Variants in DAB1 observed in about 807,000 individuals in gnomAD.
DAB1 encodes disabled homolog 1.
In DAB1, 15 loss-of-function variants were observed where a neutral mutation model predicts 64.6. The ratio of observed to expected loss-of-function variants is 0.23; its 90% CI spans 0.16 to 0.36. The LOEUF is 0.36. Ranked by LOEUF, DAB1 falls within the 10% of genes least tolerant of loss-of-function variation. The pLI, the probability that DAB1 is intolerant of heterozygous loss-of-function variation, is 1.00. For synonymous variants in DAB1, 235 were observed against 251.9 expected, an observed-to-expected ratio of 0.93 and a Z score of 0.64; for missense variants, 596 against 706.7, an observed-to-expected ratio of 0.84 and a Z score of 1.78.
chr1:58,386,031 AG>A (rs1362216190), intron 3 of DAB1, among the ~76,000 whole-genome samples: 6 of 152,218 alleles, frequency 3.9e-5, no homozygotes, highest in African/African-American at 1.2e-4. Context: ...ATAGCACGTT[AG>A]CTCTACCTAT....
chr1:58,363,381 T>A (rs1248918167), intron 3 of DAB1, among the ~76,000 whole-genome samples: 1 of 152,202 alleles, frequency 6.6e-6, no homozygotes, highest in Non-Finnish European at 1.5e-5. Flanking sequence ...TATCCTCTGA[T>A]AGGCTAAGAA....
At chr1:58,104,034 T>C (rs149381337) in intron 5 of DAB1, among the ~76,000 whole-genome samples, 63 of 152,340 alleles carry the variant, frequency 4.1e-4, no homozygotes, top group African/African-American at 1.5e-3. Context: ...AAGAAGTCTT[T>C]TTCTAGAAGA....
Position 58,318,786 on chromosome 1 carries a change from A to G in DAB1, n.309+24566T>C, listed in dbSNP as rs567889833. On this transcript the variant is annotated intron_variant and non_coding_transcript_variant, in intron 4 of 20. Coordinates refer to the DAB1 transcript ENST00000485760. ...ATCTTTACTCACCTCGAAATTTAAA[A>G]GCTGGAAAGCAGGAAGAATGCATTT... Among the ~76,000 whole-genome samples, 327 of 152,320 alleles carry G rather than the reference A, an allele frequency of 2.1e-3. 3 individuals are homozygous for G. The highest frequency in any genetic ancestry group is 6.9e-3 in the African/African-American group (285 of 41,568).
At chr1:58,110,252 A>C (rs1651897253) in intron 5 of DAB1, among the ~76,000 whole-genome samples, 1 of 152,218 alleles carries the variant, frequency 6.6e-6, no homozygotes, top group Non-Finnish European at 1.5e-5. Context: ...ATTTTCAAAA[A>C]ACAAATAAGC....
chr1:58,040,172 T>C (rs1647113217), intron 5 of DAB1, among the ~76,000 whole-genome samples: 1 of 152,192 alleles, frequency 6.6e-6, no homozygotes, highest in African/African-American at 2.4e-5. Context: ...ATATTACCAG[T>C]GGTCACCCAA....
chr1:57,769,092 C>G (rs1649447360), intron 6 of DAB1, among the ~76,000 whole-genome samples: 1 of 152,152 alleles, frequency 6.6e-6, no homozygotes, highest in Non-Finnish European at 1.5e-5. Flanking sequence ...CTGTACCTTA[C>G]TTGTCTCTTG....
chr1:57,252,527 A>T (rs1188434181), intron 2 of DAB1, among the ~76,000 whole-genome samples: 1 of 152,232 alleles, frequency 6.6e-6, no homozygotes, highest in Non-Finnish European at 1.5e-5. Flanking sequence ...TCCTCTTAAA[A>T]AAAGGTTTGT....
chr1:58,469,003 C>T (rs1196147869), intron 3 of DAB1: 2 of 244,042 alleles, frequency 8.2e-6, no homozygotes, highest in East Asian at 1.8e-4. Flanking sequence ...ATTCATCCTC[C>T]GTCTTATGAA....
chr1:57,113,435 G>T (rs141243189), intron 4 of DAB1, among the ~76,000 whole-genome samples: 1 of 152,078 alleles, frequency 6.6e-6, no homozygotes. Flanking sequence ...CTAGATTAGG[G>T]GTTGGCAGAC....
chr1:57,463,778 C>A (rs1342031062), intron 7 of DAB1, among the ~76,000 whole-genome samples: 1 of 152,172 alleles, frequency 6.6e-6, no homozygotes, highest in Non-Finnish European at 1.5e-5. Context: ...TTCATTCATT[C>A]ATTCATGAAA....
chr1:57,643,285 C>A (rs1024590344), intron 7 of DAB1, among the ~76,000 whole-genome samples: 1 of 152,132 alleles, frequency 6.6e-6, no homozygotes, highest in African/African-American at 2.4e-5. Context: ...CTTGAGAGGT[C>A]AGGGGCTCTT....
chr1:57,793,820 G>A (rs1650717298), intron 6 of DAB1, among the ~76,000 whole-genome samples: 1 of 152,172 alleles, frequency 6.6e-6, no homozygotes, highest in Non-Finnish European at 1.5e-5. Flanking sequence ...TTTAGTAAGA[G>A]GACTCAACCT....
intron 1 of DAB1, among the ~76,000 whole-genome samples, chr1:57,375,590 G>C (rs1680830270): frequency 6.6e-6 from 1 of 152,060 alleles, no homozygotes; most frequent in Non-Finnish European, 1.5e-5. Context: ...TAAACATAAG[G>C]GCCAGCATTT....
chr1:57,423,179 T>A (rs1385482718), intron 1 of DAB1, among the ~76,000 whole-genome samples: 2 of 141,702 alleles, frequency 1.4e-5, no homozygotes, highest in East Asian at 4.4e-4. Context: ...GCTCTCTGCA[T>A]CCAAGTCAGA....
chr1:57,319,138 G>A (rs965894912), intron 1 of DAB1, among the ~76,000 whole-genome samples: 1 of 152,126 alleles, frequency 6.6e-6, no homozygotes, highest in East Asian at 1.9e-4. Context: ...GTGTTGCATG[G>A]CCCCAGGGCT....
intron 7 of DAB1, among the ~76,000 whole-genome samples, chr1:57,573,512 G>T (rs1362753434): frequency 6.6e-6 from 1 of 152,194 alleles, no homozygotes; most frequent in Non-Finnish European, 1.5e-5. Flanking sequence ...GCAAGAGTTG[G>T]CTCACTAATA....
At chr1:58,509,295 C>T (rs926000762) in intron 2 of DAB1, among the ~76,000 whole-genome samples, 2 of 151,370 alleles carry the variant, frequency 1.3e-5, no homozygotes, top group Non-Finnish European at 2.9e-5. Context: ...GAGGTCAGAA[C>T]AATGTACGAA....
chr1:57,041,278 A>T (rs1647752199), intron 9 of DAB1, among the ~76,000 whole-genome samples: 1 of 152,230 alleles, frequency 6.6e-6, no homozygotes, highest in African/African-American at 2.4e-5. Flanking sequence ...TTAAATAAGG[A>T]ATAAACATTT....
intron 7 of DAB1, among the ~76,000 whole-genome samples, chr1:57,436,682 C>G (rs1012078265): frequency 1.6e-4 from 25 of 152,178 alleles, no homozygotes; most frequent in Admixed American, 7.9e-4. Context: ...GCACCCTCTA[C>G]AAAATGGAGA....
Sources: allele counts gnomAD v4.1 joint callset (sites outside exome capture counted in the v4.1 genomes callset), GRCh38; gene constraint gnomAD v4.1.1; transcripts MANE v1.5; gene names NCBI Gene and HGNC (gene_info 2026-07-23, HGNC 2026-07-21).